The following CNTN6 variants were observed in gnomAD, a reference collection of about 807,000 sequenced individuals.
The protein encoded by CNTN6 is contactin-6.
Under a neutral mutation model 122.8 loss-of-function variants are expected in CNTN6, and 137 were observed. That is an observed-to-expected ratio of 1.12 (90% CI 0.97 to 1.29). CNTN6 has a LOEUF of 1.29. CNTN6 is among the 50% of genes most tolerant of loss of function. The probability of loss-of-function intolerance (pLI) is 0.00; values close to 1 mark genes in which losing one functional copy is unlikely to be tolerated. For missense variants in CNTN6, 1,634 were observed against 1,223.4 expected, an observed-to-expected ratio of 1.34 and a Z score of -5.01; for synonymous variants, 570 against 426.0, an observed-to-expected ratio of 1.34 and a Z score of -4.16.
At chr3:1,244,766 G>A (rs2094537164) in intron 4 of CNTN6, among the ~76,000 whole-genome samples, 1 of 152,072 alleles carries the variant, frequency 6.6e-6, no homozygotes, top group South Asian at 2.1e-4. Context: ...TAGGATTTGG[G>A]AAGGTGATGG....
chr3:1,334,821 A>G (rs1351563938), intron 11 of CNTN6, among the ~76,000 whole-genome samples: 1 of 152,172 alleles, frequency 6.6e-6, no homozygotes, highest in African/African-American at 2.4e-5. Flanking sequence ...CTAAATTAAT[A>G]AAAGTTAAAA....
At chr3:1,273,458 C>T (rs1224725416) in intron 4 of CNTN6, among the ~76,000 whole-genome samples, 1 of 152,150 alleles carries the variant, frequency 6.6e-6, no homozygotes, top group Non-Finnish European at 1.5e-5. Context: ...GTATGGCTAC[C>T]TAATTCAGTC....
At chr3:1,393,616 C>G (rs1361788721) in intron 20 of CNTN6, among the ~76,000 whole-genome samples, 1 of 140,658 alleles carries the variant, frequency 7.1e-6, no homozygotes, top group East Asian at 2.2e-4. Context: ...CAAGCAAAAT[C>G]AAGAGTGATT....
At chr3:1,103,953 TTAA>T (rs2091087135) in intron 1 of CNTN6, among the ~76,000 whole-genome samples, 1 of 152,108 alleles carries the variant, frequency 6.6e-6, no homozygotes, top group African/African-American at 2.4e-5. Context: ...GATAAATAAT[TTAA>T]CGTACTAAAT....
intron 1 of CNTN6, among the ~76,000 whole-genome samples, chr3:1,121,261 A>G (rs1036929882): frequency 4.0e-5 from 6 of 151,874 alleles, no homozygotes; most frequent in Admixed American, 6.6e-5. Context: ...TGACAGGATC[A>G]TTATTGATAG....
rs775026136 is a variant in CNTN6 at position 1,373,768 on chromosome 3, T to G, written c.1945+6T>G. On this transcript the variant is annotated splice_donor_region_variant and intron_variant, in intron 15 of 22. Coordinates refer to ENST00000446702, the MANE Select transcript of CNTN6 (RefSeq NM_001289080.2). ...TTGGCAGGCTGTTGCTACAGGTGAG[T>G]GACAAAAGTGTTTTGGGTCACTTTA... is the stretch of plus-strand genomic sequence containing the variant. 5 of 1,585,920 alleles carry G rather than the reference T, an allele frequency of 3.2e-6. No homozygotes were observed. The Admixed American group carries it at 9.0e-5, about 28-fold the overall frequency.
intron 10 of CNTN6, among the ~76,000 whole-genome samples, chr3:1,329,138 C>G (rs1450621218): frequency 2.7e-5 from 4 of 150,866 alleles, no homozygotes; most frequent in African/African-American, 7.3e-5. Flanking sequence ...TCTTCAACAT[C>G]ATATGTTCCA....
intron 4 of CNTN6, among the ~76,000 whole-genome samples, chr3:1,266,049 G>A (rs920635892): frequency 7.9e-5 from 12 of 151,160 alleles, no homozygotes; most frequent in Admixed American, 3.9e-4. Context: ...ACCTAAGTGC[G>A]TCACCCATAC....
chr3:1,306,409 C>A (rs146086902), intron 7 of CNTN6, among the ~76,000 whole-genome samples: 1 of 152,110 alleles, frequency 6.6e-6, no homozygotes, highest in Non-Finnish European at 1.5e-5. Flanking sequence ...AATCTTCAAG[C>A]CAATTATTCA....
At chr3:1,378,754 C>T (rs1483279090) in intron 17 of CNTN6, among the ~76,000 whole-genome samples, 1 of 152,148 alleles carries the variant, frequency 6.6e-6, no homozygotes, top group Non-Finnish European at 1.5e-5. Flanking sequence ...CATCATTGGG[C>T]AGAGAAGCAT....
At chr3:1,226,878 T>G (rs530017394) in intron 3 of CNTN6, among the ~76,000 whole-genome samples, 1 of 152,288 alleles carries the variant, frequency 6.6e-6, no homozygotes, top group African/African-American at 2.4e-5. Context: ...TATTCAATAG[T>G]TTTAAGTGTT....
intron 16 of CNTN6, among the ~76,000 whole-genome samples, chr3:1,376,144 T>A (rs1252133715): frequency 6.6e-6 from 1 of 152,142 alleles, no homozygotes; most frequent in African/African-American, 2.4e-5. Context: ...TTTAGGATAC[T>A]TTTGTCATTA....
At position 1,327,547 on chromosome 3, in the gene CNTN6, TATCAG is replaced by T. The variant is rs1559834723; in HGVS notation, c.1177_1181del (p.Gln393AsnfsTer6). The stretch of plus-strand genomic sequence containing the variant: ...GTACCAATGTGCTGCAGAAAACAAA[TATCAG>T]ATAATTTATGCAAATGCTGAATTGA... On this transcript the variant is annotated frameshift_variant, in exon 10 of 23. Transcript: ENST00000446702. LOFTEE classifies it high-confidence loss of function. 6.2e-7 allele frequency: 1 copy of T among 1,610,842 alleles called. No homozygotes were observed. The highest frequency in any genetic ancestry group is 1.7e-5 in the Admixed American group (1 of 59,752).
intron 7 of CNTN6, among the ~76,000 whole-genome samples, chr3:1,320,132 G>C (rs1218716855): frequency 6.6e-6 from 1 of 151,580 alleles, no homozygotes; most frequent in Non-Finnish European, 1.5e-5. Context: ...ACTTAAATTT[G>C]TGGCAAGTGG....
chr3:1,354,369 A>C (rs1257763628), intron 12 of CNTN6, among the ~76,000 whole-genome samples: 1 of 36,164 alleles, frequency 2.8e-5, no homozygotes, highest in South Asian at 4.7e-4. Context: ...CTCAGTTAAC[A>C]AAAAAAAAAA....
chr3:1,137,629 A>T (rs183342121), intron 1 of CNTN6, among the ~76,000 whole-genome samples: 1 of 152,244 alleles, frequency 6.6e-6, no homozygotes, highest in Non-Finnish European at 1.5e-5. Context: ...CATCTCATGG[A>T]AAAAAACATT....
chr3:1,390,493 T>G (rs545578582), intron 20 of CNTN6, among the ~76,000 whole-genome samples: 24 of 151,362 alleles, frequency 1.6e-4, no homozygotes, highest in Non-Finnish European at 3.4e-4. Context: ...ACATCACAAT[T>G]AAAAGAACTA....
chr3:1,113,823 G>A (rs1030296921), intron 1 of CNTN6, among the ~76,000 whole-genome samples: 4 of 146,476 alleles, frequency 2.7e-5, no homozygotes, highest in African/African-American at 1.0e-4. Context: ...ATATATAATG[G>A]CATCATGCTA....
intron 4 of CNTN6, among the ~76,000 whole-genome samples, chr3:1,245,146 TG>T (rs1433986539): frequency 0.1 from 1 of 10 alleles, no homozygotes; most frequent in African/African-American, 0.25. Flanking sequence ...TAGCAAAATA[TG>T]GAAACCAACC....
Sources: allele counts gnomAD v4.1 joint callset (sites outside exome capture counted in the v4.1 genomes callset), GRCh38; gene constraint gnomAD v4.1.1; transcripts MANE v1.5; gene names NCBI Gene and HGNC (gene_info 2026-07-23, HGNC 2026-07-21).